The following PIK3C2G variants were observed in gnomAD, a reference collection of about 807,000 sequenced individuals.
PIK3C2G encodes phosphatidylinositol 3-kinase C2 domain-containing subunit gamma.
In PIK3C2G, 168 loss-of-function variants were observed where a neutral mutation model predicts 181.1. The ratio of observed to expected loss-of-function variants is 0.93; its 90% confidence interval spans 0.82 to 1.05. The LOEUF (loss-of-function observed/expected upper bound fraction) is 1.05. Among genes scored for constraint, PIK3C2G ranks in the 50% least tolerant of loss-of-function variants. The probability of loss-of-function intolerance (pLI) is 0.00; values close to 1 mark genes in which losing one functional copy is unlikely to be tolerated. For synonymous variants in PIK3C2G, 573 were observed against 592.2 expected, an observed-to-expected ratio of 0.97 and a Z score of 0.47; for missense variants, 1,869 against 1,732.8, an observed-to-expected ratio of 1.08 and a Z score of -1.40.
intron 1 of PIK3C2G, among the ~76,000 whole-genome samples, chr12:18,271,648 T>C (rs1948749578): frequency 6.6e-6 from 1 of 152,170 alleles, no homozygotes; most frequent in South Asian, 2.1e-4. Flanking sequence ...TGTACTTTTC[T>C]TTTTGGGGTC....
chr12:18,295,167 C>G (rs1591854276), intron 5 of PIK3C2G, among the ~76,000 whole-genome samples: 2 of 150,668 alleles, frequency 1.3e-5, no homozygotes, highest in Non-Finnish European at 3.0e-5. Flanking sequence ...TATGAAATTA[C>G]ATATGTTTTG....
At chr12:18,283,268 T>G (rs537243959) in intron 2 of PIK3C2G, among the ~76,000 whole-genome samples, 1 of 152,274 alleles carries the variant, frequency 6.6e-6, no homozygotes, top group African/African-American at 2.4e-5. Flanking sequence ...GGTAGGAAAT[T>G]AAGTATTCAT....
chr12:18,443,569 C>T (rs574721420), intron 18 of PIK3C2G, among the ~76,000 whole-genome samples: 8 of 151,332 alleles, frequency 5.3e-5, no homozygotes, highest in East Asian at 3.9e-4. Flanking sequence ...CTGTAATCAC[C>T]GAAAAACTCC....
intron 29 of PIK3C2G, among the ~76,000 whole-genome samples, chr12:18,591,133 C>A (rs886102889): frequency 3.3e-5 from 5 of 151,900 alleles, no homozygotes; most frequent in Admixed American, 1.3e-4. Flanking sequence ...ACTCTGTCAT[C>A]TCCTTGAATA....
intron 8 of PIK3C2G, among the ~76,000 whole-genome samples, chr12:18,325,309 C>G (rs1951289560): frequency 6.6e-6 from 1 of 152,158 alleles, no homozygotes; most frequent in African/African-American, 2.4e-5. Context: ...ACTGTATGTA[C>G]ACAAGATGCA....
At chr12:18,257,498 G>T (rs941954187), upstream of PIK3C2G, among the ~76,000 whole-genome samples, 2 of 152,086 alleles carry the variant, frequency 1.3e-5, no homozygotes, top group Non-Finnish European at 2.9e-5. Flanking sequence ...AGCAATCTCA[G>T]AATTAGAAAG....
chr12:18,460,424 A>C (rs1302381714), intron 18 of PIK3C2G, among the ~76,000 whole-genome samples: 3 of 151,754 alleles, frequency 2.0e-5, no homozygotes, highest in African/African-American at 7.3e-5. Context: ...ATACAAAAAA[A>C]TTAGCCAGGT....
chr12:18,320,921 C>T, intron 6 of PIK3C2G, 41 bp from the exon 7 acceptor site: 2 of 1,101,586 alleles, frequency 1.8e-6, no homozygotes, highest in Non-Finnish European at 2.7e-6. Context: ...GTACTCATTC[C>T]TATTCACTCA....
At chr12:18,502,649 T>C (rs990027149) in intron 22 of PIK3C2G, among the ~76,000 whole-genome samples, 1 of 152,134 alleles carries the variant, frequency 6.6e-6, no homozygotes, top group African/African-American at 2.4e-5. Flanking sequence ...CCTTGATGGA[T>C]ATATGGCCAG....
intron 31 of PIK3C2G, among the ~76,000 whole-genome samples, chr12:18,623,616 G>A (rs1948963191): frequency 6.6e-6 from 1 of 151,564 alleles, no homozygotes; most frequent in Non-Finnish European, 1.5e-5. Context: ...TGAATCTGTA[G>A]ATCACTTTTA....
intron 16 of PIK3C2G, among the ~76,000 whole-genome samples, chr12:18,417,517 A>G (rs979177681): frequency 6.6e-6 from 1 of 152,008 alleles, no homozygotes; most frequent in Non-Finnish European, 1.5e-5. Flanking sequence ...TACCACAACC[A>G]CCCCAACCTT....
At chr12:18,289,012 G>C (rs1261984601) in intron 3 of PIK3C2G, among the ~76,000 whole-genome samples, 2 of 151,588 alleles carry the variant, frequency 1.3e-5, no homozygotes, top group East Asian at 3.9e-4. Context: ...GAAGCCATAA[G>C]TTATATTCAC....
intron 6 of PIK3C2G, among the ~76,000 whole-genome samples, chr12:18,317,653 G>A (rs1180148224): frequency 2.0e-5 from 3 of 152,218 alleles, no homozygotes; most frequent in Non-Finnish European, 4.4e-5. Context: ...AGAGGGGCTA[G>A]TGATAGTGCT....
At position 18,567,049 on chromosome 12, in the gene PIK3C2G, G is replaced by A. The variant is rs1416966490; in HGVS notation, c.4003G>A (p.Val1335Ile). 3 of 1,307,176 alleles carry A rather than the reference G, an allele frequency of 2.3e-6. No homozygotes were observed. Among genetic ancestry groups the A allele is most frequent in the Non-Finnish European group, 3.3e-6 (3 of 912,114 alleles). The allele number at this position is 1,307,176 out of a possible 1,614,324, so 81.0% of individuals were successfully genotyped here. The change falls in exon 29 of 33, where the codon GTT (valine) becomes ATT (isoleucine). Residue 1335 changes from valine to isoleucine, a missense_variant. Val to Ile is a conservative substitution (Grantham distance 29). Transcript: ENST00000538779. ...ACAGATATTAAATGTATCACATGAA[G>A]TTACAAACGTATGTTATAATTAATT... ...MEQILNVSHE[V>I]TNSDCVLSFF...
intron 11 of PIK3C2G, among the ~76,000 whole-genome samples, chr12:18,360,655 A>G (rs1224866635): frequency 6.6e-6 from 1 of 152,166 alleles, no homozygotes; most frequent in Non-Finnish European, 1.5e-5. Context: ...CTTTAGTGAC[A>G]GGTTTTTCTT....
chr12:18,266,152 T>C (rs1053098920), intron 1 of PIK3C2G, among the ~76,000 whole-genome samples: 7 of 152,090 alleles, frequency 4.6e-5, no homozygotes, highest in Admixed American at 2.6e-4. Flanking sequence ...TGTTTGCTAT[T>C]CTTAAAACAT....
At chr12:18,281,887 C>T (rs1949234471) in intron 1 of PIK3C2G, 117 bp from the exon 2 acceptor site, 2 of 541,550 alleles carry the variant, frequency 3.7e-6, no homozygotes, top group Admixed American at 7.1e-5. Context: ...GGAATTATTT[C>T]ACTTGCTAAA....
At chr12:18,601,338 C>T (rs184640470) in intron 30 of PIK3C2G, among the ~76,000 whole-genome samples, 3 of 150,918 alleles carry the variant, frequency 2.0e-5, no homozygotes, top group Admixed American at 2.0e-4. Flanking sequence ...AACTGGAGGA[C>T]ATTATGTTAA....
intron 18 of PIK3C2G, among the ~76,000 whole-genome samples, chr12:18,454,960 G>A (rs1441784130): frequency 6.6e-6 from 1 of 152,076 alleles, no homozygotes; most frequent in East Asian, 1.9e-4. Flanking sequence ...CTCCTCCAGG[G>A]TTTTTCTCTC....
Sources: gnomAD v4.1 joint callset for allele counts (sites outside exome capture counted in the v4.1 genomes callset) on GRCh38, gnomAD v4.1.1 for gene constraint, MANE v1.5 for transcripts, NCBI Gene and HGNC (gene_info 2026-07-23, HGNC 2026-07-21) for gene names.